The following CCDC141 variants were observed in gnomAD, a reference collection of about 807,000 sequenced individuals.
CCDC141 encodes the protein coiled-coil domain containing 141.
CCDC141 carries 168 observed loss-of-function variants against 181.0 expected under a neutral mutation model. The ratio of observed to expected loss-of-function variants is 0.93; its 90% CI spans 0.82 to 1.05. CCDC141 has a LOEUF of 1.05. Ranked by LOEUF, CCDC141 falls within the 50% of genes least tolerant of loss-of-function variation. The pLI is 0.00. For synonymous variants in CCDC141, 666 were observed against 642.3 expected, an observed-to-expected ratio of 1.04 and a Z score of -0.56; for missense variants, 1,902 against 1,788.5, an observed-to-expected ratio of 1.06 and a Z score of -1.14.
At chr2:178,908,019 A>T (rs1490850573) in intron 7 of CCDC141, among the ~76,000 whole-genome samples, 1 of 151,998 alleles carries the variant, frequency 6.6e-6, no homozygotes, top group Non-Finnish European at 1.5e-5. Flanking sequence ...AAAAAAAAAT[A>T]AACAATGAAA....
chr2:179,016,560 G>C (rs898671741), intron 2 of CCDC141, among the ~76,000 whole-genome samples: 1 of 151,992 alleles, frequency 6.6e-6, no homozygotes, highest in Non-Finnish European at 1.5e-5. Context: ...CAGGAGTCAC[G>C]TCATAATCAT....
At chr2:178,858,776 C>G (rs968510002) in intron 17 of CCDC141, among the ~76,000 whole-genome samples, 1 of 151,976 alleles carries the variant, frequency 6.6e-6, no homozygotes, top group African/African-American at 2.4e-5. Flanking sequence ...TTTTTCTCTA[C>G]TGAAATGTGA....
intron 6 of CCDC141, among the ~76,000 whole-genome samples, chr2:178,943,482 T>A (rs943243338): frequency 3.3e-5 from 5 of 152,126 alleles, no homozygotes; most frequent in Non-Finnish European, 7.4e-5. Context: ...ACTGCCTCCA[T>A]CCTCATCCTG....
chr2:179,044,404 T>C (rs944147790), intron 2 of CCDC141, among the ~76,000 whole-genome samples: 2 of 152,204 alleles, frequency 1.3e-5, no homozygotes, highest in Non-Finnish European at 2.9e-5. Context: ...AACTTCAAAC[T>C]ATACTACAGG....
intron 17 of CCDC141, among the ~76,000 whole-genome samples, chr2:178,862,761 G>T (rs1211466756): frequency 2.0e-5 from 3 of 152,124 alleles, no homozygotes; most frequent in African/African-American, 7.2e-5. Context: ...TTTTCTCAAA[G>T]ATAAAGCACA....
In CCDC141 at chr2:178,865,773, T is replaced by C. The variant is rs1034228778; in HGVS notation, c.2718A>G (p.Ile906Met). Residue 906 changes from isoleucine to methionine, a missense_variant, in exon 17 of 24, where the codon ATA (isoleucine) becomes ATG (methionine). Transcript: ENST00000443758. ...SVEYCAMRDEINELKDSFKDI... is the reference protein window; with the variant it reads ...SVEYCAMRDEMNELKDSFKDI... ...TCACCCCTCCCACACCCACCTCATT[T>C]ATCTCGTCTCTCATGGCGCAGTACT... The C allele has an allele frequency of 6.5e-7, 1 of 1,539,442 alleles. No homozygotes were observed. The highest frequency in any genetic ancestry group is 8.7e-7 in the Non-Finnish European group (1 of 1,144,358).
chr2:178,894,879 G>A (rs1368274395), intron 8 of CCDC141, among the ~76,000 whole-genome samples: 6 of 152,132 alleles, frequency 3.9e-5, no homozygotes, highest in Admixed American at 6.6e-5. Context: ...CATAATTTGC[G>A]ACATAATACT....
chr2:178,821,827 C>A, the CCDC141 span, among the ~76,000 whole-genome samples: 396 of 152,278 alleles, frequency 2.6e-3, 2 homozygotes, highest in African/African-American at 9.0e-3. Context: ...TAAACTAGTT[C>A]AACCATTGTG....
chr2:178,942,781 TTA>T (rs751619935), intron 6 of CCDC141, among the ~76,000 whole-genome samples: 38 of 152,136 alleles, frequency 2.5e-4, no homozygotes, highest in Admixed American at 9.8e-4. Context: ...TGGGAAATCT[TTA>T]TGCCTTCCTC....
chr2:178,978,598 G>A lies in CCDC141; in HGVS notation c.303C>T (p.Val101=), dbSNP rs2154380775. The change falls in exon 3 of 24, where the codon GTC becomes GTT. Residue 101 remains valine, a synonymous_variant. Coordinates refer to ENST00000443758, the MANE Select transcript of CCDC141 (RefSeq NM_173648.4). ...CCAGAGTCTCGGCCATGGCATCATAGACCTGACTCTGATCCTTGTTCTCTT... is the reference window on the plus strand; with the variant it reads ...CCAGAGTCTCGGCCATGGCATCATAAACCTGACTCTGATCCTTGTTCTCTT... The part of the protein sequence containing the change: ...TAEENKDQSQ[V]YDAMAETLGE... The A allele has an allele frequency of 6.5e-7, 1 of 1,549,878 alleles. No individual in the cohort carries two copies. Among genetic ancestry groups the A allele is most frequent in the East Asian group, 2.4e-5 (1 of 40,846 alleles).
intron 2 of CCDC141, among the ~76,000 whole-genome samples, chr2:179,035,810 A>G (rs1462936653): frequency 6.6e-6 from 1 of 152,176 alleles, no homozygotes; most frequent in African/African-American, 2.4e-5. Context: ...CAGCATCATC[A>G]TATTACTCTA....
intron 18 of CCDC141, 128 bp downstream of exon 18, chr2:178,856,129 C>T: frequency 2.9e-6 from 2 of 698,844 alleles, no homozygotes; most frequent in South Asian, 3.4e-5. Flanking sequence ...AGAAAAATAC[C>T]CTTTGAGTCC....
chr2:178,821,651 T>A, the CCDC141 span, among the ~76,000 whole-genome samples: 408 of 152,284 alleles, frequency 2.7e-3, no homozygotes, highest in Non-Finnish European at 4.7e-3. Flanking sequence ...TTTTTACACA[T>A]GAAAAAATGC....
At chr2:178,815,782 TA>T in the CCDC141 span, among the ~76,000 whole-genome samples, 4 of 152,208 alleles carry the variant, frequency 2.6e-5, no homozygotes, top group Admixed American at 1.3e-4. Context: ...TTTTTATTTG[TA>T]TTTTTTTTAT....
At chr2:178,970,865 T>C (rs529525538) in intron 4 of CCDC141, among the ~76,000 whole-genome samples, 68 of 152,270 alleles carry the variant, frequency 4.5e-4, no homozygotes, top group African/African-American at 1.5e-3. Flanking sequence ...TTGCAATCTA[T>C]CCATCTGACA....
At chr2:178,834,926 G>GAA (rs1684415997) in intron 23 of CCDC141, among the ~76,000 whole-genome samples, 1 of 151,602 alleles carries the variant, frequency 6.6e-6, no homozygotes, top group African/African-American at 2.4e-5. Context: ...CTCAGACAAT[G>GAA]TTTTTGGAAA....
chr2:178,953,103 G>A (rs1350027673), intron 5 of CCDC141, among the ~76,000 whole-genome samples: 1 of 152,192 alleles, frequency 6.6e-6, no homozygotes, highest in East Asian at 1.9e-4. Flanking sequence ...AACAACTTTT[G>A]TGGGGGTAAT....
chr2:178,821,041 G>A, the CCDC141 span, among the ~76,000 whole-genome samples: 1 of 152,224 alleles, frequency 6.6e-6, no homozygotes, highest in East Asian at 1.9e-4. Flanking sequence ...TTTGTCTAGA[G>A]AATGACAAGA....
At chr2:178,970,830 C>T (rs1189764671) in intron 4 of CCDC141, among the ~76,000 whole-genome samples, 3 of 152,210 alleles carry the variant, frequency 2.0e-5, no homozygotes, top group African/African-American at 7.2e-5. Context: ...AGTGAACAGG[C>T]AACCTACAGA....
Sources: gnomAD v4.1 joint callset for allele counts (sites outside exome capture counted in the v4.1 genomes callset) on GRCh38, gnomAD v4.1.1 for gene constraint, MANE v1.5 for transcripts, NCBI Gene and HGNC (gene_info 2026-07-23, HGNC 2026-07-21) for gene names.